Variants in FBXO45 observed in about 807,000 individuals in gnomAD.
The protein encoded by FBXO45 is F-box protein 45.
A neutral mutation model predicts 25.5 loss-of-function variants in FBXO45; 3 were observed. That is an observed-to-expected ratio of 0.12 (90% CI 0.05 to 0.30). FBXO45 has a LOEUF of 0.30. Among genes scored for constraint, FBXO45 ranks in the 10% least tolerant of loss-of-function variants. The pLI is 1.00. For synonymous variants in FBXO45, 155 were observed against 149.8 expected (o/e 1.03, Z -0.25); for missense variants, 219 against 365.0 (o/e 0.60, Z 3.26).
chr3:196,583,453 C>G (rs973764413), intron 2 of FBXO45, among the ~76,000 whole-genome samples: 6 of 148,496 alleles, frequency 4.0e-5, no homozygotes, highest in African/African-American at 1.5e-4. Context: ...TTGCAGTGAG[C>G]TGAGATTGCA....
In FBXO45 at chr3:196,584,499, A is replaced by G. The variant is rs1736068923; in HGVS notation, c.*181A>G. On this transcript the variant is annotated 3_prime_UTR_variant, in exon 3 of 3. Coordinates refer to ENST00000311630, the MANE Select transcript of FBXO45 (RefSeq NM_001105573.2). This position sits in a 1 kb window ranked among gnomAD's most constrained non-coding sequence, Gnocchi z 4.3. ...TCGTGTTTCCTCTTTCTACTGGGCC[A>G]GAAAAATCCTCAGGGTTGCAGTTGG... The G allele has an allele frequency of 1.8e-6, 1 of 563,252 alleles. No individual in the cohort carries two copies. The highest frequency in any genetic ancestry group is 3.0e-6 in the Non-Finnish European group (1 of 336,316). 34.9% of individuals were successfully genotyped at this position (563,252 alleles called of 1,614,324 possible). A position where few individuals can be genotyped will look rare whatever the true frequency, so the allele number is the denominator to read the frequency against.
At position 196,586,910 on chromosome 3, in the gene FBXO45, A is replaced by G. The variant is rs1407797593; in HGVS notation, c.*2592A>G. 6.6e-6 allele frequency: 1 copy of G among 152,200 alleles called. No homozygotes were observed. Among genetic ancestry groups the G allele is most frequent in the African/African-American group, 2.4e-5 (1 of 41,446 alleles). The allele number at this position is 152,200 out of a possible 1,614,324, so 9.4% of individuals were successfully genotyped here. A position where few individuals can be genotyped will look rare whatever the true frequency, so the allele number is the denominator to read the frequency against. ...TCTCATCTGCAAAATAGAAAAAAAA[A>G]AATCCTTGCTCCCTCCCTTCACTAC... On this transcript the variant is annotated 3_prime_UTR_variant, in exon 3 of 3. Transcript: ENST00000311630.
chr3:196,568,845 A>C lies in FBXO45; in HGVS notation c.-140A>C. 10 of 474,072 alleles carry C rather than the reference A, an allele frequency of 2.1e-5. No homozygotes were observed. Among genetic ancestry groups the C allele is most frequent in the Non-Finnish European group, 2.2e-5 (8 of 363,474 alleles). 29.4% of individuals were successfully genotyped at this position (474,072 alleles called of 1,614,324 possible). On this transcript the variant is annotated 5_prime_UTR_variant, in exon 1 of 3. Transcript: ENST00000311630. ...GCGGACGCCCCCGGGCAGGGGCGGG[A>C]GTGGTGGAGGCGCCGGCGGTTGGCA...
chr3:196,572,459 G>A (rs1488387306), intron 1 of FBXO45, among the ~76,000 whole-genome samples: 4 of 152,226 alleles, frequency 2.6e-5, no homozygotes, highest in African/African-American at 9.6e-5. Context: ...CATGTACTGA[G>A]ACCTGAAGGA....
intron 1 of FBXO45, among the ~76,000 whole-genome samples, chr3:196,570,403 A>G (rs1735792390): frequency 6.6e-6 from 1 of 151,546 alleles, no homozygotes; most frequent in Non-Finnish European, 1.5e-5. Context: ...ATGCCCGGCT[A>G]ATTTTGTATT....
Position 196,577,587 on chromosome 3 carries a change from T to C in FBXO45, c.453T>C (p.Ser151=). 1.2e-6 allele frequency: 2 copies of C among 1,614,012 alleles called. No homozygotes were observed. The highest frequency in any genetic ancestry group is 8.5e-7 in the Non-Finnish European group (1 of 1,179,884). ...TDGARTKIGF[S]EGRHAWEVWW... ...GTGCAAGGACCAAGATTGGTTTCAG[T>C]GAGGGCCGCCATGCATGGGAAGTGT... is the stretch of plus-strand genomic sequence containing the variant. Residue 151 remains serine, a synonymous_variant, in exon 2 of 3, where the codon AGT becomes AGC. Coordinates refer to ENST00000311630, the MANE Select transcript of FBXO45 (RefSeq NM_001105573.2).
intron 1 of FBXO45, 98 bp from the exon 2 acceptor site, chr3:196,577,355 T>C: frequency 1.1e-6 from 1 of 901,760 alleles, no homozygotes; most frequent in Non-Finnish European, 1.6e-6. Context: ...AATATATAAC[T>C]TCGTTATTTA....
intron 2 of FBXO45, among the ~76,000 whole-genome samples, chr3:196,581,331 A>G (rs1310756647): frequency 2.2e-5 from 3 of 136,652 alleles, no homozygotes; most frequent in African/African-American, 8.5e-5. Context: ...CCCGGGTTCA[A>G]GTGATTCTTC....
chr3:196,572,440 T>A (rs776840238), intron 1 of FBXO45, among the ~76,000 whole-genome samples: 5 of 152,178 alleles, frequency 3.3e-5, no homozygotes, highest in Non-Finnish European at 5.9e-5. Context: ...GGGAAGGCTT[T>A]CTCAGATCCA....
At chr3:196,572,711 G>A (rs1735848729) in intron 1 of FBXO45, among the ~76,000 whole-genome samples, 1 of 152,202 alleles carries the variant, frequency 6.6e-6, no homozygotes, top group African/African-American at 2.4e-5. Flanking sequence ...GATTATTTCT[G>A]ACTTTAGTAT....
At chr3:196,577,097 G>C (rs1035955169) in intron 1 of FBXO45, among the ~76,000 whole-genome samples, 5 of 152,018 alleles carry the variant, frequency 3.3e-5, no homozygotes, top group African/African-American at 1.2e-4. Flanking sequence ...CTCCATCTCT[G>C]GATATTTCAA....
chr3:196,586,500 A>G lies in FBXO45; in HGVS notation c.*2182A>G, dbSNP rs1383731027. The G allele has an allele frequency of 6.6e-6, 1 of 152,368 alleles. No individual in the cohort carries two copies. The highest frequency in any genetic ancestry group is 1.9e-4 in the East Asian group (1 of 5,190). The allele number at this position is 152,368 out of a possible 1,614,324, so 9.4% of individuals were successfully genotyped here. A position where few individuals can be genotyped will look rare whatever the true frequency, so the allele number is the denominator to read the frequency against. ...ATCATATGCAATTGAAGTGAGCAGC[A>G]TGAGCATCTGGGTCATGAGGGCCTT... On this transcript the variant is annotated 3_prime_UTR_variant, in exon 3 of 3. Transcript: ENST00000311630.
intron 1 of FBXO45, among the ~76,000 whole-genome samples, chr3:196,576,540 G>A (rs1463051812): frequency 6.6e-6 from 1 of 152,070 alleles, no homozygotes; most frequent in Admixed American, 6.5e-5. Context: ...AGAGTGAGAC[G>A]TTGTCTAAAA....
At chr3:196,583,505 CAAA>C (rs36064486) in intron 2 of FBXO45, among the ~76,000 whole-genome samples, 1 of 65,392 alleles carries the variant, frequency 1.5e-5, no homozygotes, top group African/African-American at 4.6e-5. Flanking sequence ...GACTCCGTCT[CAAA>C]AAAAAAAAAA....
In FBXO45 at chr3:196,584,211, G is replaced by T. The variant is rs1442906611; in HGVS notation, c.754G>T (p.Val252Phe). 2 of 1,613,874 alleles carry T rather than the reference G, an allele frequency of 1.2e-6. No homozygotes were observed. Among genetic ancestry groups the T allele is most frequent in the Non-Finnish European group, 1.7e-6 (2 of 1,179,886 alleles). The change falls in exon 3 of 3, where the codon GTT becomes TTT. Residue 252 changes from valine (V) to phenylalanine (F), a missense_variant. Val to Phe is a conservative substitution (Grantham distance 50). Around this residue, in one of 4 missense-constraint regions of FBXO45, gnomAD observed 16 missense variants for 52.3 expected, o/e 0.31. Coordinates refer to ENST00000311630, the MANE Select transcript of FBXO45 (RefSeq NM_001105573.2). This position sits in a 1 kb window ranked among gnomAD's most constrained non-coding sequence, Gnocchi z 4.3. ...AFERGYEFLG[V>F]AFRGLPKVCL... ...TGAACGTGGATATGAGTTCCTGGGG[G>T]TTGCTTTTAGAGGACTTCCAAAGGT...
At position 196,569,660 on chromosome 3, in the gene FBXO45, A is replaced by G. The variant is rs1014969065; in HGVS notation, c.318+358A>G. On this transcript the variant is annotated intron_variant, in intron 1 of 2. Coordinates refer to ENST00000311630, the MANE Select transcript of FBXO45 (RefSeq NM_001105573.2). This position sits in a 1 kb window ranked among gnomAD's most constrained non-coding sequence, Gnocchi z 4.1. ...CTCCAGATAGACTTCATTATATTAAATAATCCCGGCCACCTTAACATGGGC... is the reference window on the plus strand; with the variant it reads ...CTCCAGATAGACTTCATTATATTAAGTAATCCCGGCCACCTTAACATGGGC... Among the ~76,000 whole-genome samples, 11 of 152,182 alleles carry G rather than the reference A, an allele frequency of 7.2e-5. No homozygotes were observed. Among genetic ancestry groups the G allele is most frequent in the African/African-American group, 2.4e-4 (10 of 41,434 alleles).
In FBXO45 at chr3:196,584,088, C is replaced by T; in HGVS notation, c.676-45C>T. ...ATTTGTGTCTTGTTTCTTCTAGCTACACCCTTGGCAGATTTTCTTCTAACC... is the reference window on the plus strand; with the variant it reads ...ATTTGTGTCTTGTTTCTTCTAGCTATACCCTTGGCAGATTTTCTTCTAACC... On this transcript the variant is annotated intron_variant, in intron 2 of 2. Transcript: ENST00000311630. The surrounding 1 kb of genome is among the most constrained non-coding windows in gnomAD (Gnocchi z 4.3). 6.4e-7 allele frequency: 1 copy of T among 1,566,974 alleles called. No homozygotes were observed. Among genetic ancestry groups the T allele is most frequent in the Non-Finnish European group, 8.7e-7 (1 of 1,146,802 alleles).
chr3:196,573,224 T>C (rs886872378), intron 1 of FBXO45, among the ~76,000 whole-genome samples: 3 of 152,278 alleles, frequency 2.0e-5, no homozygotes, highest in Admixed American at 1.3e-4. Flanking sequence ...AGATTTCCAA[T>C]AGGCAGCTGT....
At chr3:196,578,046 C>CTTTTTTTTTTTG (rs1553874564) in intron 2 of FBXO45, among the ~76,000 whole-genome samples, 28,704 of 93,858 alleles carry the variant, frequency 0.31, 5,427 homozygotes, top group South Asian at 0.4. Flanking sequence ...GAAAAATATT[C>CTTTTTTTTTTTG]TTTTTTTTTT....
Sources: allele counts gnomAD v4.1 joint callset (sites outside exome capture counted in the v4.1 genomes callset), GRCh38; gene constraint gnomAD v4.1.1; regional missense constraint gnomAD v4.1.1; non-coding constraint Gnocchi (gnomAD v3.1); transcripts MANE v1.5; gene names NCBI Gene and HGNC (gene_info 2026-07-23, HGNC 2026-07-21).